Variants in AK5 observed in about 807,000 individuals in gnomAD.
AK5 encodes adenylate kinase 5.
In AK5, 27 loss-of-function variants were observed where a neutral mutation model predicts 69.5. The ratio of observed to expected loss-of-function variants is 0.39; its 90% CI spans 0.29 to 0.54. AK5 has a LOEUF of 0.54. Among genes scored for constraint, AK5 ranks in the 20% least tolerant of loss-of-function variants. AK5 has a pLI of 0.71. For missense variants in AK5, 531 were observed against 700.4 expected (o/e 0.76, Z 2.73); for synonymous variants, 260 against 244.4 (o/e 1.06, Z -0.60).
Position 77,305,035 on chromosome 1 carries a change from G to T in AK5, c.699+7088G>T, listed in dbSNP as rs949747595. On this transcript the variant is annotated intron_variant, in intron 5 of 13. Coordinates refer to ENST00000354567, the MANE Select transcript of AK5 (RefSeq NM_174858.3). ...TCTTTTGTATATAAACCATTTAACT[G>T]GGGTGAGATGATATCTTATTGTAGT... Among the ~76,000 whole-genome samples the T allele has an allele frequency of 2.0e-5, 3 of 152,118 alleles. No homozygotes were observed. The East Asian group carries it at 5.8e-4, about 29-fold the overall frequency.
intron 5 of AK5, among the ~76,000 whole-genome samples, chr1:77,305,791 G>A (rs1254525050): frequency 6.6e-6 from 1 of 152,094 alleles, no homozygotes; most frequent in African/African-American, 2.4e-5. Flanking sequence ...TTCCAGTTGT[G>A]TTCTTTTTGC....
At chr1:77,397,895 G>T (rs1487431751) in intron 6 of AK5, among the ~76,000 whole-genome samples, 6 of 152,128 alleles carry the variant, frequency 3.9e-5, no homozygotes. Context: ...GAACAAGACG[G>T]TCTCTAAATA....
chr1:77,283,314 A>G, intron 1 of AK5: 1 of 985,476 alleles, frequency 1.0e-6, no homozygotes, highest in African/African-American at 1.7e-5. Flanking sequence ...AGAAAAGAAT[A>G]GAAGCAAGCC....
intron 5 of AK5, among the ~76,000 whole-genome samples, chr1:77,302,098 C>T (rs1159130907): frequency 6.6e-6 from 1 of 152,086 alleles, no homozygotes; most frequent in African/African-American, 2.4e-5. Flanking sequence ...CAGGGGCTCC[C>T]TGTGTTACCC....
chr1:77,466,933 C>T (rs1386783105), intron 8 of AK5, among the ~76,000 whole-genome samples: 1 of 152,220 alleles, frequency 6.6e-6, no homozygotes, highest in Non-Finnish European at 1.5e-5. Context: ...CTTTTGCCAA[C>T]ATCCCACACT....
chr1:77,287,862 G>A (rs1404729330), intron 2 of AK5, among the ~76,000 whole-genome samples: 1 of 152,236 alleles, frequency 6.6e-6, no homozygotes, highest in Admixed American at 6.5e-5. Flanking sequence ...TTGAAGTACA[G>A]CTGCTGGGAT....
At chr1:77,493,027 G>C (rs17380544) in intron 10 of AK5, among the ~76,000 whole-genome samples, 3 of 151,952 alleles carry the variant, frequency 2.0e-5, no homozygotes, top group Non-Finnish European at 2.9e-5. Context: ...AAGTGAAATC[G>C]GGCAGCTCAT....
chr1:77,390,878 A>G (rs1351524518), intron 6 of AK5, among the ~76,000 whole-genome samples: 1 of 152,244 alleles, frequency 6.6e-6, no homozygotes, highest in Non-Finnish European at 1.5e-5. Flanking sequence ...ATGTTTGTGT[A>G]CAATCACTTT....
chr1:77,418,922 T>C lies in AK5; in HGVS notation c.1059+1207T>C, dbSNP rs115382552. Among the ~76,000 whole-genome samples, 1,182 of 152,262 alleles carry C rather than the reference T, an allele frequency of 7.8e-3. 4 individuals carry two copies. Among genetic ancestry groups the C allele is most frequent in the Non-Finnish European group, 0.011 (773 of 67,992 alleles). ...GCAAGTGCTATAATAGCTACACATG[T>C]TTATAGTAATTTTTAACATCTATTA... On this transcript the variant is annotated intron_variant, in intron 8 of 13. Coordinates refer to ENST00000354567, the MANE Select transcript of AK5 (RefSeq NM_174858.3).
At chr1:77,449,817 C>T (rs561263730) in intron 8 of AK5, among the ~76,000 whole-genome samples, 2 of 152,228 alleles carry the variant, frequency 1.3e-5, no homozygotes, top group South Asian at 2.1e-4. Context: ...GATTAACATT[C>T]GGCTCCTCAT....
intron 6 of AK5, among the ~76,000 whole-genome samples, chr1:77,372,768 T>C (rs1472075672): frequency 7.4e-6 from 1 of 134,756 alleles, no homozygotes; most frequent in African/African-American, 2.5e-5. Context: ...TGTGTGTGTG[T>C]GTGCGTGTGT....
Position 77,411,090 on chromosome 1 carries a change from T to C in AK5, c.982+19T>C. ...GCAGCAGGTAAGTCACTGTGTCCTT[T>C]AGACAACAGTACGCCGTGATCACCT... On this transcript the variant is annotated intron_variant, in intron 7 of 13. Coordinates refer to ENST00000354567, the MANE Select transcript of AK5 (RefSeq NM_174858.3). 6.2e-7 allele frequency: 1 copy of C among 1,604,532 alleles called. No individual in the cohort carries two copies. Among genetic ancestry groups the C allele is most frequent in the Non-Finnish European group, 8.5e-7 (1 of 1,173,482 alleles).
intron 6 of AK5, among the ~76,000 whole-genome samples, chr1:77,364,781 A>G (rs1646923078): frequency 6.6e-6 from 1 of 152,200 alleles, no homozygotes. Context: ...GTTGATGAAC[A>G]TAGGTTGATT....
chr1:77,360,900 G>A (rs574672370), intron 6 of AK5, among the ~76,000 whole-genome samples: 1 of 152,276 alleles, frequency 6.6e-6, no homozygotes, highest in South Asian at 2.1e-4. Context: ...CTATAGTTTG[G>A]GGAAAACTTG....
chr1:77,518,090 A>G (rs1010316814), intron 10 of AK5, among the ~76,000 whole-genome samples: 4 of 152,156 alleles, frequency 2.6e-5, no homozygotes, highest in Admixed American at 2.0e-4. Flanking sequence ...AAAAACACTT[A>G]TTTTTTTAAA....
At chr1:77,356,074 A>G (rs1157350966) in intron 6 of AK5, among the ~76,000 whole-genome samples, 1 of 152,174 alleles carries the variant, frequency 6.6e-6, no homozygotes, top group Non-Finnish European at 1.5e-5. Flanking sequence ...TGCTGTAAAC[A>G]TGCTTTGTTT....
At chr1:77,497,286 G>C (rs747260192) in intron 10 of AK5, among the ~76,000 whole-genome samples, 1 of 152,078 alleles carries the variant, frequency 6.6e-6, no homozygotes, top group East Asian at 1.9e-4. Flanking sequence ...AACAACTCTG[G>C]ATGTGCCACC....
At position 77,479,152 on chromosome 1, in the gene AK5, T is replaced by C. The variant is rs150960469; in HGVS notation, c.1060-4165T>C. 2.4e-4 allele frequency among the ~76,000 whole-genome samples: 37 copies of C among 151,726 alleles called. 1 individual carries two copies. The highest frequency in any genetic ancestry group is 8.7e-4 in the African/African-American group (36 of 41,420). ...TTCTCCTCATCAATTACCAACATAT[T>C]ACCCAATCTATAGCATCAAAATGAG... On this transcript the variant is annotated intron_variant, in intron 8 of 13. Transcript: ENST00000354567.
At chr1:77,372,030 T>C (rs1647130844) in intron 6 of AK5, among the ~76,000 whole-genome samples, 1 of 152,212 alleles carries the variant, frequency 6.6e-6, no homozygotes, top group African/African-American at 2.4e-5. Flanking sequence ...ATTTTGTTTA[T>C]CAATCTTTTT....
Sources: gnomAD v4.1 joint callset for allele counts (sites outside exome capture counted in the v4.1 genomes callset) on GRCh38, gnomAD v4.1.1 for gene constraint, MANE v1.5 for transcripts, NCBI Gene and HGNC (gene_info 2026-07-23, HGNC 2026-07-21) for gene names.